RPS6KC1: variants seen among roughly 807,000 people sequenced by gnomAD.
RPS6KC1 encodes the protein inactive ribosomal protein S6 kinase delta-1.
A neutral mutation model predicts 103.8 loss-of-function variants in RPS6KC1; 54 were observed. The observed-to-expected ratio is 0.52, with a 90% CI of 0.42 to 0.65. The LOEUF is 0.65. RPS6KC1 is among the 30% of genes least tolerant of loss of function. The pLI, the probability that RPS6KC1 is intolerant of heterozygous loss-of-function variation, is 0.00. For synonymous variants in RPS6KC1, 439 were observed against 438.7 expected (o/e 1.00, Z -0.01); for missense variants, 1,151 against 1,253.8 (o/e 0.92, Z 1.24).
chr1:213,634,938 A>G, the RPS6KC1 span, among the ~76,000 whole-genome samples: 1 of 152,158 alleles, frequency 6.6e-6, no homozygotes, highest in African/African-American at 2.4e-5. Context: ...GATAAAGGGG[A>G]TATCACCACC....
intron 6 of RPS6KC1, among the ~76,000 whole-genome samples, chr1:213,152,387 C>G (rs1247835520): frequency 8.7e-5 from 13 of 149,422 alleles, no homozygotes; most frequent in Admixed American, 5.4e-4. Flanking sequence ...GCTGACCCCC[C>G]CACCTCCCTC....
the RPS6KC1 span, among the ~76,000 whole-genome samples, chr1:213,360,855 G>A: frequency 1.1e-4 from 17 of 152,298 alleles, no homozygotes; most frequent in South Asian, 2.1e-4. Flanking sequence ...TATCAGCAGC[G>A]GAGGCTGCAG....
the RPS6KC1 span, among the ~76,000 whole-genome samples, chr1:213,605,871 G>C: frequency 2.0e-5 from 3 of 152,196 alleles, no homozygotes; most frequent in African/African-American, 7.2e-5. Flanking sequence ...ACATGTGCAA[G>C]GGAGACAACG....
the RPS6KC1 span, among the ~76,000 whole-genome samples, chr1:213,690,082 CA>C: frequency 2.6e-5 from 4 of 152,188 alleles, no homozygotes; most frequent in African/African-American, 9.7e-5. Flanking sequence ...CTTTTGTGCT[CA>C]GTGCTTTCTG....
the RPS6KC1 span, among the ~76,000 whole-genome samples, chr1:213,831,518 T>C: frequency 2.0e-5 from 3 of 152,226 alleles, no homozygotes; most frequent in Admixed American, 6.5e-5. Flanking sequence ...AGACTTCTAA[T>C]GTCTGGAACT....
chr1:213,241,372 C>G lies in RPS6KC1; in HGVS notation c.1896C>G (p.Phe632Leu), dbSNP rs759784155. The change falls in exon 11 of 15, where the codon TTC becomes TTG. Residue 632 changes from phenylalanine (F) to leucine (L), a missense_variant. Around this residue, in one of 3 missense-constraint regions of RPS6KC1, gnomAD observed 959 missense variants for 1,006.3 expected, o/e 0.95. Transcript: ENST00000366960. ...TAAAATCAGAACCTTTGAAACCATT[C>G]TTTACTCTTCCAGATGGAGACAGTG... ...YSLKSEPLKPFFTLPDGDSAS... is the reference protein window; with the variant it reads ...YSLKSEPLKPLFTLPDGDSAS... 2 of 1,613,888 alleles carry G rather than the reference C, an allele frequency of 1.2e-6. No individual in the cohort carries two copies. The highest frequency in any genetic ancestry group is 2.2e-5 in the South Asian group (2 of 91,080).
At chr1:213,257,034 A>G (rs2094662137) in intron 12 of RPS6KC1, among the ~76,000 whole-genome samples, 1 of 152,136 alleles carries the variant, frequency 6.6e-6, no homozygotes, top group South Asian at 2.1e-4. Flanking sequence ...TAATAGGTCT[A>G]TTTATTTTAA....
intron 1 of RPS6KC1, among the ~76,000 whole-genome samples, chr1:213,058,894 A>G (rs1437159034): frequency 2.0e-5 from 3 of 152,210 alleles, no homozygotes; most frequent in African/African-American, 2.4e-5. Flanking sequence ...TGAACACAGT[A>G]TGTCTTGCAG....
intron 10 of RPS6KC1, among the ~76,000 whole-genome samples, chr1:213,236,751 A>G (rs757165316): frequency 6.6e-6 from 1 of 152,152 alleles, no homozygotes; most frequent in Non-Finnish European, 1.5e-5. Flanking sequence ...TGAAAGACCA[A>G]ATTAAAAGAC....
chr1:213,350,922 G>A, the RPS6KC1 span, among the ~76,000 whole-genome samples: 5 of 152,122 alleles, frequency 3.3e-5, no homozygotes, highest in East Asian at 5.8e-4. Flanking sequence ...TTTGGTACAT[G>A]TTTTATATAT....
chr1:213,309,798 C>T, the RPS6KC1 span, among the ~76,000 whole-genome samples: 592 of 152,312 alleles, frequency 3.9e-3, 4 homozygotes, highest in Non-Finnish European at 6.1e-3. Context: ...GATTCTCCCA[C>T]CTCAGCCTCC....
the RPS6KC1 span, among the ~76,000 whole-genome samples, chr1:213,666,848 A>G: frequency 6.6e-6 from 1 of 152,256 alleles, no homozygotes; most frequent in African/African-American, 2.4e-5. Context: ...CACCTGGCCT[A>G]CCAAGCTCTC....
At chr1:213,324,744 G>A in the RPS6KC1 span, among the ~76,000 whole-genome samples, 1 of 151,958 alleles carries the variant, frequency 6.6e-6, no homozygotes, top group Non-Finnish European at 1.5e-5. Flanking sequence ...GGTGCTTGGC[G>A]GGGAGGGGGT....
chr1:213,631,029 C>T, the RPS6KC1 span, among the ~76,000 whole-genome samples: 2 of 152,156 alleles, frequency 1.3e-5, no homozygotes, highest in Admixed American at 6.5e-5. Context: ...GATATAATCT[C>T]CTGGTGTGCC....
the RPS6KC1 span, among the ~76,000 whole-genome samples, chr1:213,651,914 T>A: frequency 6.6e-6 from 1 of 152,202 alleles, no homozygotes; most frequent in Admixed American, 6.5e-5. Context: ...TTTGGATTCA[T>A]GAGGGTACCA....
the RPS6KC1 span, among the ~76,000 whole-genome samples, chr1:213,656,832 C>A: frequency 6.6e-6 from 1 of 152,192 alleles, no homozygotes; most frequent in African/African-American, 2.4e-5. Flanking sequence ...GTTCTTCCTA[C>A]TATTCACAAC....
chr1:213,473,168 C>T, the RPS6KC1 span, among the ~76,000 whole-genome samples: 30 of 152,186 alleles, frequency 2.0e-4, no homozygotes, highest in Non-Finnish European at 4.3e-4. Flanking sequence ...GAAGGCCAGA[C>T]CCCCTTTTCC....
At chr1:213,410,257 C>T in the RPS6KC1 span, among the ~76,000 whole-genome samples, 12 of 152,062 alleles carry the variant, frequency 7.9e-5, no homozygotes, top group South Asian at 4.2e-4. Flanking sequence ...GGGAAAGTGA[C>T]GGATGGAATG....
intron 8 of RPS6KC1, among the ~76,000 whole-genome samples, chr1:213,224,356 G>A (rs1037326893): frequency 6.6e-6 from 1 of 152,168 alleles, no homozygotes; most frequent in East Asian, 1.9e-4. Context: ...TAAGGAATAA[G>A]TTGCCTGCTT....
Sources: allele counts gnomAD v4.1 joint callset (sites outside exome capture counted in the v4.1 genomes callset), GRCh38; gene constraint gnomAD v4.1.1; regional missense constraint gnomAD v4.1.1; transcripts MANE v1.5; gene names NCBI Gene and HGNC (gene_info 2026-07-23, HGNC 2026-07-21).